UNC5B: variants seen among roughly 807,000 people sequenced by gnomAD.
UNC5B encodes unc-5 netrin receptor B.
In UNC5B, 56 loss-of-function variants were observed where a neutral mutation model predicts 103.7. The ratio of observed to expected loss-of-function variants is 0.54; its 90% confidence interval spans 0.44 to 0.67. The LOEUF (loss-of-function observed/expected upper bound fraction) is 0.67. Ranked by LOEUF, UNC5B falls within the 30% of genes least tolerant of loss-of-function variation. The pLI, the probability that UNC5B is intolerant of heterozygous loss-of-function variation, is 0.00. For synonymous variants in UNC5B, 577 were observed against 542.0 expected (o/e 1.06, Z -0.90); for missense variants, 1,194 against 1,284.5 (o/e 0.93, Z 1.08).
chr10:71,245,796 G>T (rs570314749), intron 1 of UNC5B, among the ~76,000 whole-genome samples: 1 of 152,294 alleles, frequency 6.6e-6, no homozygotes, highest in East Asian at 1.9e-4. Flanking sequence ...CTCAGGTGGG[G>T]TGCCACAAGC....
chr10:71,262,237 G>A (rs887953930), intron 1 of UNC5B, among the ~76,000 whole-genome samples: 3 of 152,130 alleles, frequency 2.0e-5, no homozygotes, highest in African/African-American at 7.2e-5. Flanking sequence ...TGTAATTACG[G>A]CTGGCACCCG....
At chr10:71,276,315 C>G (rs1367008696) in intron 1 of UNC5B, among the ~76,000 whole-genome samples, 1 of 152,154 alleles carries the variant, frequency 6.6e-6, no homozygotes, top group African/African-American at 2.4e-5. Flanking sequence ...AACCCCGAGA[C>G]CCCATTATTC....
rs759999766 is a variant in UNC5B at position 71,212,970 on chromosome 10, A to C, written c.-16A>C. On this transcript the variant is annotated 5_prime_UTR_variant, in exon 1 of 17. Coordinates refer to ENST00000335350, the MANE Select transcript of UNC5B (RefSeq NM_170744.5). ...ACAGCCCTGGGGGAGAGGCGCCCGA[A>C]CCAGGCCGCGGGAGCATGGGGGCCC... The C allele has an allele frequency of 5.2e-5, 70 of 1,341,048 alleles. No individual in the cohort carries two copies. The highest frequency in any genetic ancestry group is 6.5e-5 in the Non-Finnish European group (68 of 1,043,362). 83.1% of individuals were successfully genotyped at this position (1,341,048 alleles called of 1,614,324 possible).
intron 1 of UNC5B, among the ~76,000 whole-genome samples, chr10:71,254,034 A>G (rs987433346): frequency 1.3e-5 from 2 of 152,188 alleles, no homozygotes; most frequent in African/African-American, 4.8e-5. Context: ...ACAGGGGGAA[A>G]CGGATGCCTA....
intron 13 of UNC5B, 139 bp from the exon 14 acceptor site, chr10:71,295,672 C>G: frequency 1.0e-6 from 1 of 968,096 alleles, no homozygotes; most frequent in Non-Finnish European, 1.5e-6. Context: ...CTTCTCACAC[C>G]ATAAGCCCTC....
In UNC5B at chr10:71,284,851, G is replaced by A. The variant is rs747949439; in HGVS notation, c.436G>A (p.Val146Ile). ...CACCACCAAGAGTCGCCGAGCCTAC[G>A]TCCGCATCGCCTGTACGCCACCCTG... ...AGTTKSRRAY[V>I]RIAYLRKNFD... is the part of the protein sequence containing the mutation. Residue 146 changes from valine (V) to isoleucine (I), a missense_variant, in exon 3 of 17, where the codon GTC becomes ATC. By Grantham distance (29) the Val-to-Ile change is conservative. Transcript: ENST00000335350. The A allele has an allele frequency of 2.7e-5, 44 of 1,607,612 alleles. No individual in the cohort carries two copies. The highest frequency in any genetic ancestry group is 1.2e-4 in the Admixed American group (7 of 59,718).
At chr10:71,216,860 G>T (rs140802655) in intron 1 of UNC5B, among the ~76,000 whole-genome samples, 1 of 152,338 alleles carries the variant, frequency 6.6e-6, no homozygotes, top group African/African-American at 2.4e-5. Flanking sequence ...CTCGGACCAG[G>T]TTAGTGATTC....
intron 1 of UNC5B, among the ~76,000 whole-genome samples, chr10:71,219,113 C>T (rs116391792): frequency 1.5e-3 from 223 of 152,226 alleles, no homozygotes; most frequent in African/African-American, 4.9e-3. Context: ...TCGCCCCACC[C>T]TGGTGTGCAT....
In UNC5B at chr10:71,213,073, C is replaced by T. The variant is rs749450297; in HGVS notation, c.79+9C>T. 1.1e-5 allele frequency: 15 copies of T among 1,366,004 alleles called. No homozygotes were observed. The highest frequency in any genetic ancestry group is 1.3e-5 in the Non-Finnish European group (14 of 1,052,176). 84.6% of individuals were successfully genotyped at this position (1,366,004 alleles called of 1,614,324 possible). Reference sequence around the variant, plus strand: ...GAGGCTGAGCCAAGCAGGTAGGAAGCGATCGGGTCTGGGGGCGCGGGGCTA... The same window carrying T: ...GAGGCTGAGCCAAGCAGGTAGGAAGTGATCGGGTCTGGGGGCGCGGGGCTA... On this transcript the variant is annotated intron_variant, in intron 1 of 16. Coordinates refer to ENST00000335350, the MANE Select transcript of UNC5B (RefSeq NM_170744.5). The surrounding 1 kb of genome is among the most constrained non-coding windows in gnomAD (Gnocchi z 4.1).
At chr10:71,231,271 G>A (rs773156637) in intron 1 of UNC5B, among the ~76,000 whole-genome samples, 27 of 152,324 alleles carry the variant, frequency 1.8e-4, no homozygotes, top group Middle Eastern at 3.4e-3. Context: ...TGAGGTGGGG[G>A]TTGGCGAGAG....
intron 2 of UNC5B, among the ~76,000 whole-genome samples, chr10:71,282,450 T>A (rs1303506896): frequency 6.6e-6 from 1 of 152,184 alleles, no homozygotes; most frequent in African/African-American, 2.4e-5. Flanking sequence ...GGATGAGGTG[T>A]CACGCCTCCT....
chr10:71,267,473 G>C (rs974500083), intron 1 of UNC5B, among the ~76,000 whole-genome samples: 2 of 152,164 alleles, frequency 1.3e-5, no homozygotes, highest in Non-Finnish European at 2.9e-5. Flanking sequence ...ATGGTGGGTG[G>C]GCAGGCAAAG....
chr10:71,269,352 C>CCCT (rs1554865166), intron 1 of UNC5B, among the ~76,000 whole-genome samples: 12 of 145,572 alleles, frequency 8.2e-5, no homozygotes, highest in Non-Finnish European at 1.7e-4. Flanking sequence ...GTCCCCCCCC[C>CCCT]ACAACTTCTC....
At chr10:71,249,975 T>C (rs947535519) in intron 1 of UNC5B, among the ~76,000 whole-genome samples, 1 of 152,164 alleles carries the variant, frequency 6.6e-6, no homozygotes, top group African/African-American at 2.4e-5. Flanking sequence ...ATGTTTAGGC[T>C]CAGGAGAACA....
At chr10:71,227,951 T>C (rs1843608384) in intron 1 of UNC5B, among the ~76,000 whole-genome samples, 1 of 152,188 alleles carries the variant, frequency 6.6e-6, no homozygotes, top group Non-Finnish European at 1.5e-5. Flanking sequence ...TCCTGCCAGA[T>C]AGTAAAACAT....
At chr10:71,287,268 AAG>A (rs1171755240) in intron 5 of UNC5B, among the ~76,000 whole-genome samples, 1 of 152,156 alleles carries the variant, frequency 6.6e-6, no homozygotes, top group African/African-American at 2.4e-5. Context: ...GAGTTTTAGA[AAG>A]AACCTTGTGC....
At chr10:71,246,965 C>G (rs2132265746) in intron 1 of UNC5B, among the ~76,000 whole-genome samples, 1 of 152,220 alleles carries the variant, frequency 6.6e-6, no homozygotes, top group Middle Eastern at 3.4e-3. Context: ...TGACCAGAGC[C>G]CCACCCTGAA....
rs1845538487 is a variant in UNC5B, at chr10:71,299,595, C to T, written c.*318C>T. The T allele has an allele frequency of 3.5e-6, 1 of 283,564 alleles. No homozygotes were observed. The highest frequency in any genetic ancestry group is 2.1e-5 in the African/African-American group (1 of 46,840). 17.6% of individuals were successfully genotyped at this position (283,564 alleles called of 1,614,324 possible). A position where few individuals can be genotyped will look rare whatever the true frequency, so the allele number is the denominator to read the frequency against. On this transcript the variant is annotated 3_prime_UTR_variant, in exon 17 of 17. Coordinates refer to ENST00000335350, the MANE Select transcript of UNC5B (RefSeq NM_170744.5). ...GCGGGCAGGCAGGAGGCCCTCCCTC[C>T]ACCCCCCCACCCTCAGCCCGGCAAC...
intron 1 of UNC5B, among the ~76,000 whole-genome samples, chr10:71,261,798 G>A (rs905203944): frequency 6.6e-6 from 1 of 152,144 alleles, no homozygotes; most frequent in Non-Finnish European, 1.5e-5. Flanking sequence ...CTGAACCTTG[G>A]TTAGTAAAAT....
Sources: gnomAD v4.1 joint callset for allele counts (sites outside exome capture counted in the v4.1 genomes callset) on GRCh38, gnomAD v4.1.1 for gene constraint, Gnocchi (gnomAD v3.1) non-coding constraint, MANE v1.5 for transcripts, NCBI Gene and HGNC (gene_info 2026-07-23, HGNC 2026-07-21) for gene names.